The following CYP46A1 variants were observed in gnomAD, a reference collection of about 807,000 sequenced individuals.
CYP46A1 encodes the protein cholesterol 24-hydroxylase.
CYP46A1 carries 20 observed loss-of-function variants against 63.3 expected under a neutral mutation model. The observed-to-expected ratio is 0.32, with a 90% CI of 0.22 to 0.46. CYP46A1 has a LOEUF of 0.46. Among genes scored for constraint, CYP46A1 ranks in the 20% least tolerant of loss-of-function variants. The pLI is 1.00. For synonymous variants in CYP46A1, 268 were observed against 273.6 expected, an observed-to-expected ratio of 0.98 and a Z score of 0.20; for missense variants, 445 against 670.8, an observed-to-expected ratio of 0.66 and a Z score of 3.72.
intron 5 of CYP46A1, among the ~76,000 whole-genome samples, 172 bp downstream of exon 5, chr14:99,700,273 G>C (rs957505679): frequency 5.3e-5 from 8 of 152,106 alleles, no homozygotes; most frequent in African/African-American, 1.9e-4. Flanking sequence ...GGGAGAGAGA[G>C]AGAGAGACAG....
intron 3 of CYP46A1, 28 bp from the exon 4 acceptor site, chr14:99,699,438 C>T: frequency 6.2e-7 from 1 of 1,607,064 alleles, no homozygotes; most frequent in Non-Finnish European, 8.5e-7. Flanking sequence ...GGTGCATGAG[C>T]CTATGTTGGT....
intron 11 of CYP46A1, among the ~76,000 whole-genome samples, chr14:99,721,671 G>A (rs965428600): frequency 5.3e-5 from 8 of 152,168 alleles, no homozygotes; most frequent in Non-Finnish European, 8.8e-5. Context: ...CAGCAGGAGG[G>A]CTTGCAGCTT....
chr14:99,713,837 G>A (rs1431814025), intron 7 of CYP46A1, among the ~76,000 whole-genome samples: 1 of 127,628 alleles, frequency 7.8e-6, no homozygotes, highest in East Asian at 2.5e-4. Context: ...CTGCACTCCA[G>A]CATGGCTGAC....
Position 99,684,361 on chromosome 14 carries a change from TC to T in CYP46A1, c.-54del. 1 of 1,130,504 alleles carries T rather than the reference TC, an allele frequency of 8.8e-7. No individual in the cohort carries two copies. Among genetic ancestry groups the T allele is most frequent in the South Asian group, 3.1e-5 (1 of 32,604 alleles). The allele number at this position is 1,130,504 out of a possible 1,614,324, so 70.0% of individuals were successfully genotyped here. On this transcript the variant is annotated 5_prime_UTR_variant, in exon 1 of 15. Transcript: ENST00000261835. ...CTGACAGCTGAGTCGGCTCGCGGCC[TC>T]CCGGCCCCCTCGGCGCCCGGCCCGA...
intron 1 of CYP46A1, among the ~76,000 whole-genome samples, chr14:99,685,108 T>A (rs1178280532): frequency 4.7e-5 from 4 of 84,492 alleles, no homozygotes; most frequent in African/African-American, 1.9e-4. Context: ...ACCCCCAGCT[T>A]AGCTTTGTGA....
intron 10 of CYP46A1, among the ~76,000 whole-genome samples, chr14:99,720,797 C>T (rs1333063331): frequency 6.6e-6 from 1 of 152,100 alleles, no homozygotes; most frequent in African/African-American, 2.4e-5. Flanking sequence ...CTTTAACAGT[C>T]TTTGGGCTGG....
At chr14:99,702,684 G>A (rs1447072669) in intron 5 of CYP46A1, among the ~76,000 whole-genome samples, 1 of 151,874 alleles carries the variant, frequency 6.6e-6, no homozygotes, top group Non-Finnish European at 1.5e-5. Flanking sequence ...ATTTATCACT[G>A]TGTGTATATA....
chr14:99,726,219 T>G lies in CYP46A1; in HGVS notation c.1295T>G (p.Leu432Arg). The G allele has an allele frequency of 6.2e-7, 1 of 1,613,948 alleles. No individual in the cohort carries two copies. The change falls in exon 14 of 15, where the codon CTG becomes CGG. Residue 432 changes from leucine (L) to arginine (R), a missense_variant. Leu to Arg is a moderately radical substitution (Grantham distance 102, BLOSUM62 -2). Coordinates refer to ENST00000261835, the MANE Select transcript of CYP46A1 (RefSeq NM_006668.2). The part of the protein sequence containing the change: ...KPRFTYFPFS[L>R]GHRSCIGQQF... ...CGGTTCACCTACTTCCCCTTCTCCC[T>G]GGGCCACCGCTCCTGCATCGGGCAG...
chr14:99,713,887 A>AAAAAAAAAAAAAAAC, intron 7 of CYP46A1, among the ~76,000 whole-genome samples: 1 of 146,326 alleles, frequency 6.8e-6, no homozygotes, highest in African/African-American at 2.5e-5. Context: ...AAAAAAAAAA[A>AAAAAAAAAAAAAAAC]AAAGACGTGT....
In CYP46A1 at chr14:99,715,921, G is replaced by A. The variant is rs1304450322; in HGVS notation, c.805G>A (p.Glu269Lys). 6 of 1,611,614 alleles carry A rather than the reference G, an allele frequency of 3.7e-6. No homozygotes were observed. Among genetic ancestry groups the A allele is most frequent in the Admixed American group, 3.3e-5 (2 of 59,810 alleles). ...QRRREALKRG[E>K]EVPADILTQI... ...CCGCCGGGAAGCCCTGAAGAGGGGC[G>A]AGGAGGTTCCTGCCGACATCCTCAC... The change falls in exon 8 of 15, where the codon GAG (glutamate) becomes AAG (lysine). Residue 269 changes from glutamate (E) to lysine (K), a missense_variant. By Grantham distance (56) the Glu-to-Lys change is moderately conservative. This residue lies in a region of CYP46A1 where 252 missense variants were observed against 383.3 expected (regional missense o/e 0.66). Transcript: ENST00000261835.
intron 5 of CYP46A1, among the ~76,000 whole-genome samples, chr14:99,704,626 G>T (rs898799466): frequency 6.6e-6 from 1 of 152,176 alleles, no homozygotes; most frequent in African/African-American, 2.4e-5. Context: ...AGCTGCAAGA[G>T]ATTCAGTGTT....
At chr14:99,720,793 C>T (rs1428837617) in intron 10 of CYP46A1, among the ~76,000 whole-genome samples, 1 of 152,146 alleles carries the variant, frequency 6.6e-6, no homozygotes, top group Admixed American at 6.6e-5. Context: ...ATCTCTTTAA[C>T]AGTCTTTGGG....
chr14:99,685,287 C>A (rs2056483205), intron 1 of CYP46A1, among the ~76,000 whole-genome samples: 1 of 139,112 alleles, frequency 7.2e-6, no homozygotes, highest in Admixed American at 7.2e-5. Flanking sequence ...CTGCCCCCAG[C>A]CTTTCTTCTC....
intron 1 of CYP46A1, among the ~76,000 whole-genome samples, chr14:99,690,273 C>G (rs942070941): frequency 1.3e-5 from 2 of 152,204 alleles, no homozygotes; most frequent in African/African-American, 2.4e-5. Flanking sequence ...ACAAGCTTAG[C>G]GTTCCAATAA....
At chr14:99,707,966 T>A in intron 7 of CYP46A1, 1 of 365,686 alleles carries the variant, frequency 2.7e-6, no homozygotes, top group Non-Finnish European at 5.0e-6. Context: ...ATTTTCTGGA[T>A]CCTTCTGTCT....
chr14:99,719,522 T>C (rs1429850768), intron 10 of CYP46A1, among the ~76,000 whole-genome samples: 1 of 151,750 alleles, frequency 6.6e-6, no homozygotes, highest in African/African-American at 2.4e-5. Context: ...GCTCCTGGCC[T>C]CCGTCTCCAG....
intron 12 of CYP46A1, among the ~76,000 whole-genome samples, chr14:99,723,691 T>A (rs1162241384): frequency 6.6e-6 from 1 of 152,260 alleles, no homozygotes; most frequent in African/African-American, 2.4e-5. Flanking sequence ...CATTAATGTG[T>A]TTTTGATGAT....
chr14:99,692,065 G>C (rs2056548729), intron 3 of CYP46A1, among the ~76,000 whole-genome samples: 1 of 152,178 alleles, frequency 6.6e-6, no homozygotes, highest in Non-Finnish European at 1.5e-5. Context: ...TTTTGATGTG[G>C]GGAGTAGATG....
chr14:99,703,908 A>G, intron 5 of CYP46A1: 12 of 981,780 alleles, frequency 1.2e-5, no homozygotes, highest in Non-Finnish European at 1.3e-5. Context: ...GTAGACTGGA[A>G]AGAGACATTT....
Sources: gnomAD v4.1 joint callset for allele counts (sites outside exome capture counted in the v4.1 genomes callset) on GRCh38, gnomAD v4.1.1 for gene constraint, gnomAD v4.1.1 regional missense constraint, MANE v1.5 for transcripts, NCBI Gene and HGNC (gene_info 2026-07-23, HGNC 2026-07-21) for gene names.